CCDC136: variants seen among roughly 807,000 people sequenced by gnomAD.
The protein encoded by CCDC136 is coiled-coil domain-containing protein 136.
CCDC136 carries 100 observed loss-of-function variants against 141.2 expected under a neutral mutation model. That is an observed-to-expected ratio of 0.71 (90% confidence interval 0.60 to 0.84). The LOEUF (loss-of-function observed/expected upper bound fraction) is 0.84. Among genes scored for constraint, CCDC136 ranks in the 40% least tolerant of loss-of-function variants. The pLI, the probability that CCDC136 is intolerant of heterozygous loss-of-function variation, is 0.00. For missense variants in CCDC136, 1,206 were observed against 1,379.4 expected (o/e 0.87, Z 1.99); for synonymous variants, 474 against 531.9 (o/e 0.89, Z 1.50).
At position 128,817,468 on chromosome 7, in the gene CCDC136, G is replaced by C. The variant is rs1253785681; in HGVS notation, c.3364-290G>C. 1.3e-5 allele frequency among the ~76,000 whole-genome samples: 2 copies of C among 152,086 alleles called. No homozygotes were observed. Among genetic ancestry groups the C allele is most frequent in the Non-Finnish European group, 2.9e-5 (2 of 68,020 alleles). ...AGATACCTCCTGCTTGACAGGATAT[G>C]AGAGGTATGTGACGAGACAGAAAGA... On this transcript the variant is annotated intron_variant, in intron 16 of 17. Transcript: ENST00000297788. The surrounding 1 kb of genome is among the most constrained non-coding windows in gnomAD (Gnocchi z 4.6).
rs896746777 is a variant in CCDC136, at chr7:128,809,414, A to G, written c.1606-36A>G. The G allele has an allele frequency of 5.0e-6, 7 of 1,407,114 alleles. No homozygotes were observed. In the South Asian group the frequency reaches 8.7e-5, roughly 18 times the overall value. The allele number at this position is 1,407,114 out of a possible 1,614,324, so 87.2% of individuals were successfully genotyped here. A position where few individuals can be genotyped will look rare whatever the true frequency, so the allele number is the denominator to read the frequency against. On this transcript the variant is annotated intron_variant, in intron 10 of 17. Transcript: ENST00000297788. ...GCCACCCAAGAAGCTTACCTTACAG[A>G]GTAACCACCCCCTCCACACCCGCCC...
chr7:128,799,172 TA>T (rs35342890), intron 3 of CCDC136, among the ~76,000 whole-genome samples: 5,464 of 51,264 alleles, frequency 0.11, 347 homozygotes, highest in African/African-American at 0.29. Flanking sequence ...ATCTCTACAT[TA>T]AAAAAAAAAA....
chr7:128,794,873 A>G lies in CCDC136; in HGVS notation c.346+105A>G. 1 of 844,558 alleles carries G rather than the reference A, an allele frequency of 1.2e-6. No homozygotes were observed. The highest frequency in any genetic ancestry group is 2.7e-5 in the East Asian group (1 of 36,498). The allele number at this position is 844,558 out of a possible 1,614,324, so 52.3% of individuals were successfully genotyped here. On this transcript the variant is annotated intron_variant, in intron 3 of 17. Transcript: ENST00000297788. This position sits in a 1 kb window ranked among gnomAD's most constrained non-coding sequence, Gnocchi z 4.3. ...AAGCACAGCAGATAAAAATAACCAA[A>G]TTCAGTAATTTCACCTCATTTTCCT...
In CCDC136 at chr7:128,792,079, C is replaced by T; in HGVS notation, c.-333C>T. ...CCCGGACTAAATACGCACACCCCCTCTTTCTTTCTGTGCAAGCAAGAGGGT... is the reference window on the plus strand; with the variant it reads ...CCCGGACTAAATACGCACACCCCCTTTTTCTTTCTGTGCAAGCAAGAGGGT... On this transcript the variant is annotated 5_prime_UTR_variant, in exon 1 of 18. Coordinates refer to ENST00000297788, the MANE Select transcript of CCDC136 (RefSeq NM_022742.5). 3.7e-6 allele frequency: 5 copies of T among 1,341,870 alleles called. No homozygotes were observed. Among genetic ancestry groups the T allele is most frequent in the Middle Eastern group, 2.8e-4 (1 of 3,560 alleles). 83.1% of individuals were successfully genotyped at this position (1,341,870 alleles called of 1,614,324 possible). A position where few individuals can be genotyped will look rare whatever the true frequency, so the allele number is the denominator to read the frequency against.
At chr7:128,797,066 C>A (rs1008148362) in intron 3 of CCDC136, among the ~76,000 whole-genome samples, 2 of 152,058 alleles carry the variant, frequency 1.3e-5, no homozygotes, top group African/African-American at 2.4e-5. Flanking sequence ...AGGTGAAGCC[C>A]TCGGGATTTG....
At chr7:128,819,505 G>C (rs1807145860) in intron 17 of CCDC136, among the ~76,000 whole-genome samples, 1 of 152,292 alleles carries the variant, frequency 6.6e-6, no homozygotes, top group East Asian at 1.9e-4. Context: ...GGTTGAAGTA[G>C]ATGAAAGTAT....
chr7:128,812,673 TC>T, intron 13 of CCDC136, 34 bp from the exon 14 acceptor site: 1 of 1,536,548 alleles, frequency 6.5e-7, no homozygotes, highest in Non-Finnish European at 8.9e-7. Context: ...TAGGTGCTCC[TC>T]AGGGTGCTAT....
rs111805213 is a variant in CCDC136, at chr7:128,807,291, C to T, written c.1420-69C>T. 1.4e-3 allele frequency: 1,779 copies of T among 1,233,390 alleles called. 12 individuals carry two copies. Among genetic ancestry groups the T allele is most frequent in the African/African-American group, 0.011 (706 of 63,870 alleles). 76.4% of individuals were successfully genotyped at this position (1,233,390 alleles called of 1,614,324 possible). On this transcript the variant is annotated intron_variant, in intron 9 of 17. Transcript: ENST00000297788. Reference sequence around the variant, plus strand: ...AGGGAAGATGGGTCCCCTTAGTCCCCGCCTGGGAGGAGAGAGTCCAGCAGC... The same window carrying T: ...AGGGAAGATGGGTCCCCTTAGTCCCTGCCTGGGAGGAGAGAGTCCAGCAGC...
Position 128,814,936 on chromosome 7 carries a change from G to C in CCDC136, c.3045+17G>C, listed in dbSNP as rs746276244. 1 of 1,549,494 alleles carries C rather than the reference G, an allele frequency of 6.5e-7. No individual in the cohort carries two copies. The highest frequency in any genetic ancestry group is 1.9e-5 in the Admixed American group (1 of 51,948). ...ACCAGAAAGGTGAGTAGTAACCTTG[G>C]TAGCCAGATAAGCAGAAAGGAGGAG... On this transcript the variant is annotated intron_variant, in intron 15 of 17. Coordinates refer to ENST00000297788, the MANE Select transcript of CCDC136 (RefSeq NM_022742.5).
chr7:128,818,380 T>A (rs930672391), intron 17 of CCDC136: 1 of 157,972 alleles, frequency 6.3e-6, no homozygotes, highest in African/African-American at 2.4e-5. Flanking sequence ...ATCCTCATGA[T>A]CCTCCCAGGG....
chr7:128,807,657 A>G (rs562227655), intron 10 of CCDC136, 112 bp downstream of exon 10: 21 of 612,736 alleles, frequency 3.4e-5, no homozygotes, highest in African/African-American at 2.9e-4. Flanking sequence ...CTTCCTAGGC[A>G]GGAAGCAGAG....
intron 17 of CCDC136, among the ~76,000 whole-genome samples, chr7:128,819,434 A>G (rs1380033585): frequency 6.6e-6 from 1 of 152,228 alleles, no homozygotes; most frequent in African/African-American, 2.4e-5. Flanking sequence ...AGTTTCTTCA[A>G]ATGTAAGCAA....
rs193040933 is a variant in CCDC136 at position 128,804,731 on chromosome 7, C to T, written c.752C>T (p.Thr251Met). 328 of 1,599,952 alleles carry T rather than the reference C, an allele frequency of 2.1e-4. No individual in the cohort carries two copies. The highest frequency in any genetic ancestry group is 2.5e-4 in the Non-Finnish European group (291 of 1,173,128). Residue 251 changes from threonine (T) to methionine (M), a missense_variant, in exon 5 of 18, where the codon ACG (threonine) becomes ATG (methionine). Transcript: ENST00000297788. ...CTGCAGGAGAGCAACAGCAGCCTCA[C>T]GGGGCAGCTTGCAGATCTGGAGAGT... Reference protein sequence around the residue: ...RALQESNSSLTGQLADLESER... With the variant: ...RALQESNSSLMGQLADLESER...
intron 9 of CCDC136, 50 bp downstream of exon 9, chr7:128,806,908 T>C (rs1241513463): frequency 1.3e-6 from 2 of 1,541,708 alleles, no homozygotes; most frequent in South Asian, 2.5e-5. Flanking sequence ...TCATCTTGTG[T>C]GAGGGTGAGA....
intron 1 of CCDC136, among the ~76,000 whole-genome samples, chr7:128,793,860 C>T (rs549185663): frequency 1.2e-4 from 18 of 152,218 alleles, no homozygotes; most frequent in Admixed American, 2.6e-4. Context: ...AATCCACCCA[C>T]CTCAGCCTCC....
rs377034739 is a variant in CCDC136 at position 128,812,706 on chromosome 7, A to G, written c.2542-2A>G. 8 of 1,610,238 alleles carry G rather than the reference A, an allele frequency of 5.0e-6. No homozygotes were observed. The highest frequency in any genetic ancestry group is 1.3e-5 in the African/African-American group (1 of 74,676). ...CTATTGTTGCTCCCCCACCCCCCGC[A>G]GCGCTTTGAGGAAATGGTTGTGAAA... On this transcript the variant is annotated splice_acceptor_variant, in intron 13 of 17. Transcript: ENST00000297788. LOFTEE classifies it high-confidence loss of function.
intron 4 of CCDC136, among the ~76,000 whole-genome samples, chr7:128,802,454 C>T (rs1804191090): frequency 6.6e-6 from 1 of 152,112 alleles, no homozygotes; most frequent in Admixed American, 6.5e-5. Context: ...AAGGCTTGGG[C>T]TGGAGTCAAA....
intron 10 of CCDC136, chr7:128,809,101 G>T: frequency 7.2e-6 from 3 of 419,560 alleles, no homozygotes; most frequent in Non-Finnish European, 9.9e-6. Flanking sequence ...GTTCCCAACA[G>T]GGTGGGAATA....
chr7:128,791,276 G>T (rs1361325124), upstream of CCDC136: 1 of 331,524 alleles, frequency 3.0e-6, no homozygotes, highest in Non-Finnish European at 5.4e-6. This position sits in a 1 kb window ranked among gnomAD's most constrained non-coding sequence, Gnocchi z 7.1. Context: ...CCGGGGTCGC[G>T]CTCACCCTCC....
Sources: gnomAD v4.1 joint callset for allele counts (sites outside exome capture counted in the v4.1 genomes callset) on GRCh38, gnomAD v4.1.1 for gene constraint, Gnocchi (gnomAD v3.1) non-coding constraint, MANE v1.5 for transcripts, NCBI Gene and HGNC (gene_info 2026-07-23, HGNC 2026-07-21) for gene names.